LRRC4C: variants seen among roughly 807,000 people sequenced by gnomAD.
LRRC4C encodes leucine-rich repeat-containing protein 4C.
In LRRC4C, 5 loss-of-function variants were observed where a neutral mutation model predicts 33.6. The ratio of observed to expected loss-of-function variants is 0.15; its 90% CI spans 0.08 to 0.31. LRRC4C has a LOEUF of 0.31. Ranked by LOEUF, LRRC4C falls within the 10% of genes least tolerant of loss-of-function variation. LRRC4C has a pLI of 1.00. For missense variants in LRRC4C, 560 were observed against 796.7 expected, an observed-to-expected ratio of 0.70 and a Z score of 3.58; for synonymous variants, 329 against 302.0, an observed-to-expected ratio of 1.09 and a Z score of -0.93.
chr11:40,378,913 T>G (rs1948759139), intron 3 of LRRC4C, among the ~76,000 whole-genome samples: 1 of 152,188 alleles, frequency 6.6e-6, no homozygotes, highest in Admixed American at 6.5e-5. Context: ...AGCATGTATG[T>G]GTCTGTGTTT....
chr11:40,643,411 G>A (rs545091084), intron 3 of LRRC4C, among the ~76,000 whole-genome samples: 19 of 152,176 alleles, frequency 1.2e-4, no homozygotes, highest in Admixed American at 2.0e-4. Context: ...TCAGGGTAGC[G>A]TCAAAGAAGA....
At chr11:40,524,155 TTA>T (rs1169750607) in intron 3 of LRRC4C, among the ~76,000 whole-genome samples, 4 of 152,150 alleles carry the variant, frequency 2.6e-5, no homozygotes, top group Non-Finnish European at 5.9e-5. Context: ...TATTTGCCCA[TTA>T]TGTTAGTCTC....
At chr11:40,273,604 C>T (rs1345527511) in intron 4 of LRRC4C, among the ~76,000 whole-genome samples, 1 of 152,068 alleles carries the variant, frequency 6.6e-6, no homozygotes, top group Non-Finnish European at 1.5e-5. Context: ...AACCATGTTC[C>T]AGTCTATTTT....
chr11:40,116,333 G>A lies in LRRC4C; in HGVS notation c.-41C>T, dbSNP rs1326261191. On this transcript the variant is annotated splice_region_variant and 5_prime_UTR_variant, in exon 7 of 7. Coordinates refer to ENST00000528697, the MANE Select transcript of LRRC4C (RefSeq NM_001258419.2). ...TGTTGGTCCTTCTGGAATTCAAACA[G>A]TCTGCAAAATACAAGCAAAAAAAAC... 6.5e-7 allele frequency: 1 copy of A among 1,534,484 alleles called. No homozygotes were observed.
At chr11:40,875,571 G>T (rs11036122) in intron 2 of LRRC4C, among the ~76,000 whole-genome samples, 2 of 151,944 alleles carry the variant, frequency 1.3e-5, no homozygotes, top group African/African-American at 4.8e-5. Flanking sequence ...ATTTATGCAA[G>T]TATTCCAAAA....
chr11:40,309,506 C>A (rs1003082780), intron 4 of LRRC4C, among the ~76,000 whole-genome samples: 4 of 137,876 alleles, frequency 2.9e-5, no homozygotes, highest in East Asian at 2.4e-4. Flanking sequence ...AAGAAAGGAG[C>A]AGAAGTGTAT....
chr11:40,395,113 A>G (rs1222441260), intron 3 of LRRC4C, among the ~76,000 whole-genome samples: 1 of 152,186 alleles, frequency 6.6e-6, no homozygotes, highest in Non-Finnish European at 1.5e-5. Flanking sequence ...ATCTTTAAAC[A>G]ATGCAACCTC....
intron 2 of LRRC4C, among the ~76,000 whole-genome samples, chr11:40,768,631 T>G (rs1274223593): frequency 3.9e-5 from 6 of 152,094 alleles, no homozygotes; most frequent in Non-Finnish European, 8.8e-5. Context: ...ATTGAAAGGA[T>G]CATTCACTAT....
At chr11:41,383,800 G>A (rs1953249021) in intron 1 of LRRC4C, among the ~76,000 whole-genome samples, 3 of 151,372 alleles carry the variant, frequency 2.0e-5, no homozygotes, top group African/African-American at 7.3e-5. Context: ...TAAAAGACAG[G>A]CAGACTAGAA....
At chr11:40,381,631 G>C (rs1441011310) in intron 3 of LRRC4C, among the ~76,000 whole-genome samples, 1 of 151,980 alleles carries the variant, frequency 6.6e-6, no homozygotes, top group Non-Finnish European at 1.5e-5. Flanking sequence ...TGCTGTATAC[G>C]GGGTAAGTTG....
chr11:40,904,649 A>G (rs1311563086), intron 2 of LRRC4C, among the ~76,000 whole-genome samples: 1 of 152,064 alleles, frequency 6.6e-6, no homozygotes, highest in African/African-American at 2.4e-5. Flanking sequence ...CAGAGCCACC[A>G]CCACCCATTC....
chr11:40,722,492 T>C (rs1040920500), intron 2 of LRRC4C, among the ~76,000 whole-genome samples: 6 of 152,304 alleles, frequency 3.9e-5, no homozygotes, highest in Middle Eastern at 3.4e-3. Context: ...GAAACCCACA[T>C]TGAGCCTTGG....
intron 2 of LRRC4C, among the ~76,000 whole-genome samples, chr11:40,803,784 T>A (rs1340800331): frequency 1.3e-5 from 2 of 152,122 alleles, no homozygotes; most frequent in East Asian, 3.9e-4. Flanking sequence ...AATTTTTAAT[T>A]TTTATGAGTA....
chr11:41,003,523 T>A (rs780158514), intron 1 of LRRC4C, among the ~76,000 whole-genome samples: 1 of 149,112 alleles, frequency 6.7e-6, no homozygotes, highest in Non-Finnish European at 1.5e-5. Context: ...CATTTGAGAT[T>A]ATGTCAACCG....
intron 1 of LRRC4C, among the ~76,000 whole-genome samples, chr11:41,056,653 TA>T (rs927525720): frequency 4.6e-5 from 7 of 151,882 alleles, no homozygotes; most frequent in Non-Finnish European, 7.4e-5. Flanking sequence ...AACAAACATG[TA>T]AAAAAAATGC....
At chr11:41,235,806 C>T (rs1258197074) in intron 1 of LRRC4C, among the ~76,000 whole-genome samples, 1 of 152,052 alleles carries the variant, frequency 6.6e-6, no homozygotes, top group Non-Finnish European at 1.5e-5. Flanking sequence ...TGTTCTGCCT[C>T]CCAGGGGAGT....
chr11:41,091,967 A>T (rs1170725034), intron 1 of LRRC4C, among the ~76,000 whole-genome samples: 1 of 152,128 alleles, frequency 6.6e-6, no homozygotes, highest in Non-Finnish European at 1.5e-5. Flanking sequence ...TCATAGTTGC[A>T]CTAAATATGC....
chr11:41,097,478 G>C (rs760168684), intron 1 of LRRC4C, among the ~76,000 whole-genome samples: 3 of 152,088 alleles, frequency 2.0e-5, no homozygotes, highest in Admixed American at 6.6e-5. Context: ...ATGTTCTTCT[G>C]TATGAGGTTT....
At chr11:40,161,465 T>C (rs1211103749) in intron 5 of LRRC4C, among the ~76,000 whole-genome samples, 1 of 152,162 alleles carries the variant, frequency 6.6e-6, no homozygotes, top group Non-Finnish European at 1.5e-5. Context: ...ATTTGAAAAT[T>C]AGAGGAGGCC....
Sources: gnomAD v4.1 joint callset for allele counts (sites outside exome capture counted in the v4.1 genomes callset) on GRCh38, gnomAD v4.1.1 for gene constraint, MANE v1.5 for transcripts, NCBI Gene and HGNC (gene_info 2026-07-23, HGNC 2026-07-21) for gene names.